The following PIWIL1 variants were observed in gnomAD, a reference collection of about 807,000 sequenced individuals.
PIWIL1 encodes the protein piwi like RNA-mediated gene silencing 1.
Under a neutral mutation model 114.4 loss-of-function variants are expected in PIWIL1, and 73 were observed. That is an observed-to-expected ratio of 0.64 (90% confidence interval 0.53 to 0.78). The LOEUF is 0.78. Among genes scored for constraint, PIWIL1 ranks in the 30% least tolerant of loss-of-function variants. The probability of loss-of-function intolerance (pLI) is 0.00; values close to 1 mark genes in which losing one functional copy is unlikely to be tolerated. For missense variants in PIWIL1, 723 were observed against 1,063.1 expected, an observed-to-expected ratio of 0.68 and a Z score of 4.45; for synonymous variants, 375 against 369.0, an observed-to-expected ratio of 1.02 and a Z score of -0.19.
chr12:130,399,511 A>G, the PIWIL1 span, among the ~76,000 whole-genome samples: 1 of 152,192 alleles, frequency 6.6e-6, no homozygotes, highest in African/African-American at 2.4e-5. Flanking sequence ...AAGATTTAGA[A>G]TTAAGAATTT....
chr12:130,416,128 T>C, the PIWIL1 span, among the ~76,000 whole-genome samples: 2 of 152,204 alleles, frequency 1.3e-5, no homozygotes, highest in South Asian at 4.1e-4. Flanking sequence ...GGTTAGAATA[T>C]CATTAAAGTA....
chr12:130,367,702 G>T (rs942047344), intron 19 of PIWIL1, among the ~76,000 whole-genome samples: 2 of 152,190 alleles, frequency 1.3e-5, no homozygotes, highest in African/African-American at 2.4e-5. Context: ...CTCACCGACC[G>T]CAAGAAAAGC....
At chr12:130,393,914 T>C in the PIWIL1 span, among the ~76,000 whole-genome samples, 1 of 152,148 alleles carries the variant, frequency 6.6e-6, no homozygotes, top group Non-Finnish European at 1.5e-5. Context: ...TTGGGTAACT[T>C]TGGAGCAGAA....
the PIWIL1 span, among the ~76,000 whole-genome samples, chr12:130,412,453 G>A: frequency 3.9e-5 from 6 of 152,292 alleles, no homozygotes; most frequent in South Asian, 2.1e-4. Flanking sequence ...GTCCTGGTTC[G>A]TAGGGTGGCT....
At chr12:130,401,592 C>T in the PIWIL1 span, among the ~76,000 whole-genome samples, 1 of 151,862 alleles carries the variant, frequency 6.6e-6, no homozygotes, top group African/African-American at 2.4e-5. Context: ...TGTGACTGCC[C>T]TGGGCCTTCT....
intron 16 of PIWIL1, 48 bp from the exon 17 acceptor site, chr12:130,362,718 T>C (rs928236081): frequency 1.3e-6 from 2 of 1,517,942 alleles, no homozygotes; most frequent in Non-Finnish European, 1.8e-6. Context: ...AAAGGAAAAA[T>C]TGATAGACAA....
chr12:130,348,136 A>G lies in PIWIL1; in HGVS notation c.687A>G (p.Gly229=), dbSNP rs755331067. The change falls in exon 7 of 21, where the codon GGA becomes GGG. Residue 229 remains glycine (G), a synonymous_variant. Transcript: ENST00000245255. ...AAATCATGAATTTGCAACAAATTGG[A>G]CGAAATTATTATAACCCAAATGACC... The part of the protein sequence containing the change: ...LLKIMNLQQI[G]RNYYNPNDPI... 2 of 1,609,732 alleles carry G rather than the reference A, an allele frequency of 1.2e-6. No homozygotes were observed. The highest frequency in any genetic ancestry group is 1.7e-6 in the Non-Finnish European group (2 of 1,176,614).
At chr12:130,416,699 CCACA>C in the PIWIL1 span, among the ~76,000 whole-genome samples, 1 of 152,230 alleles carries the variant, frequency 6.6e-6, no homozygotes, top group South Asian at 2.1e-4. Flanking sequence ...AAAACAATTG[CCACA>C]CAAACAAAAA....
the PIWIL1 span, among the ~76,000 whole-genome samples, chr12:130,416,876 G>A: frequency 6.6e-6 from 1 of 151,852 alleles, no homozygotes. Flanking sequence ...AGCAAAAAAT[G>A]ACTCCATTAA....
chr12:130,401,635 T>C, the PIWIL1 span, among the ~76,000 whole-genome samples: 4 of 151,930 alleles, frequency 2.6e-5, no homozygotes, highest in South Asian at 8.3e-4. Context: ...TATTTTTCTC[T>C]GTTGACATTA....
chr12:130,409,332 C>CTTTTTTTTT, the PIWIL1 span, among the ~76,000 whole-genome samples: 2 of 65,384 alleles, frequency 3.1e-5, no homozygotes, highest in East Asian at 1.0e-3. Flanking sequence ...CAAAATGTAG[C>CTTTTTTTTT]TTTTTTTTTT....
chr12:130,418,381 G>A, the PIWIL1 span, among the ~76,000 whole-genome samples: 6 of 152,242 alleles, frequency 3.9e-5, no homozygotes, highest in South Asian at 2.1e-4. Flanking sequence ...AATGTGAAGC[G>A]CTCCATGGCC....
the PIWIL1 span, among the ~76,000 whole-genome samples, chr12:130,418,985 G>A: frequency 3.9e-5 from 6 of 152,344 alleles, no homozygotes; most frequent in South Asian, 4.1e-4. Context: ...CAGGTGTGGG[G>A]TAGAGGTGGG....
At chr12:130,400,903 A>G in the PIWIL1 span, among the ~76,000 whole-genome samples, 1 of 152,192 alleles carries the variant, frequency 6.6e-6, no homozygotes, top group Non-Finnish European at 1.5e-5. Context: ...CACTACTATC[A>G]AAAACAAAAT....
In PIWIL1 at chr12:130,354,887, G is replaced by C; in HGVS notation, c.1172-1G>C. On this transcript the variant is annotated splice_acceptor_variant, in intron 10 of 20. Coordinates refer to ENST00000245255, the MANE Select transcript of PIWIL1 (RefSeq NM_004764.5). LOFTEE classifies it high-confidence loss of function. Reference sequence around the variant, plus strand: ...TATGCCTTTAAATGTCTTATTTAAAGGTCTAACTGATAAAATGCGTAATGA... The same window carrying C: ...TATGCCTTTAAATGTCTTATTTAAACGTCTAACTGATAAAATGCGTAATGA... 6.3e-7 allele frequency: 1 copy of C among 1,598,508 alleles called. No individual in the cohort carries two copies.
chr12:130,416,881 C>A, the PIWIL1 span, among the ~76,000 whole-genome samples: 6 of 151,898 alleles, frequency 4.0e-5, no homozygotes, highest in African/African-American at 1.5e-4. Flanking sequence ...AAAATGACTC[C>A]ATTAAAAAGA....
At chr12:130,385,472 G>A in the PIWIL1 span, among the ~76,000 whole-genome samples, 1 of 152,228 alleles carries the variant, frequency 6.6e-6, no homozygotes. Context: ...CTACTTAACT[G>A]TGAAACAAAA....
the PIWIL1 span, among the ~76,000 whole-genome samples, chr12:130,417,978 T>C: frequency 6.6e-6 from 1 of 152,004 alleles, no homozygotes; most frequent in Non-Finnish European, 1.5e-5. Flanking sequence ...GAGAGCAGCA[T>C]TGGGAGAAGC....
Position 130,363,160 on chromosome 12 carries a change from G to A in PIWIL1, c.2195+16G>A. ...GAGGTTACAAGTAAGCATGCAAATT[G>A]TAAAGCATTTTCTTTTTATAAAACT... On this transcript the variant is annotated intron_variant, in intron 18 of 20. Transcript: ENST00000245255. 3.7e-6 allele frequency: 6 copies of A among 1,610,792 alleles called. No individual in the cohort carries two copies. The highest frequency in any genetic ancestry group is 5.1e-6 in the Non-Finnish European group (6 of 1,177,440).
Sources: allele counts gnomAD v4.1 joint callset (sites outside exome capture counted in the v4.1 genomes callset), GRCh38; gene constraint gnomAD v4.1.1; transcripts MANE v1.5; gene names NCBI Gene and HGNC (gene_info 2026-07-23, HGNC 2026-07-21).